CP: variants seen among roughly 807,000 people sequenced by gnomAD.
CP encodes the protein caeruloplasmin.
CP carries 64 observed loss-of-function variants against 122.4 expected under a neutral mutation model. The ratio of observed to expected loss-of-function variants is 0.52; its 90% CI spans 0.43 to 0.64. The LOEUF (loss-of-function observed/expected upper bound fraction) is 0.64, where lower values mean the gene tolerates loss of function less well. CP is among the 30% of genes least tolerant of loss of function. The pLI is 0.00. For synonymous variants in CP, 440 were observed against 436.4 expected (o/e 1.01, Z -0.10); for missense variants, 1,167 against 1,284.4 (o/e 0.91, Z 1.40).
downstream of CP, chr3:149,170,569 A>G (rs1724879074): frequency 6.6e-6 from 1 of 152,152 alleles, no homozygotes; most frequent in African/African-American, 2.4e-5. Context: ...TCTTAAAGCC[A>G]CTCGGTGAGT....
At chr3:149,205,256 A>G (rs998816996) in intron 6 of CP, among the ~76,000 whole-genome samples, 1 of 150,970 alleles carries the variant, frequency 6.6e-6, no homozygotes, top group Non-Finnish European at 1.5e-5. Flanking sequence ...ACCCCTGTAC[A>G]TTGCTGATGA....
chr3:149,216,279 T>G (rs2108310611), intron 1 of CP, among the ~76,000 whole-genome samples: 1 of 152,310 alleles, frequency 6.6e-6, no homozygotes, highest in Admixed American at 6.5e-5. Flanking sequence ...CTGAGCTGAG[T>G]ACTTATCTGA....
At chr3:149,172,325 C>G (rs2108199704), downstream of CP, 1 of 661,206 alleles carries the variant, frequency 1.5e-6, no homozygotes, top group Middle Eastern at 4.2e-4. Flanking sequence ...ATATCACACA[C>G]ACACACACAC....
chr3:149,189,886 ATAACT>A (rs550420565), intron 9 of CP, among the ~76,000 whole-genome samples: 71 of 152,328 alleles, frequency 4.7e-4, no homozygotes, highest in African/African-American at 1.6e-3. Context: ...TTTGATCCAA[ATAACT>A]TAGATCGAAG....
intron 3 of CP, 53 bp downstream of exon 3, chr3:149,210,114 G>A: frequency 6.5e-7 from 1 of 1,543,398 alleles, no homozygotes; most frequent in Non-Finnish European, 8.9e-7. Flanking sequence ...AAGACAAACT[G>A]CCCTGCCCCT....
downstream of CP, chr3:149,172,317 ATC>A (rs1491363344): frequency 1.4e-5 from 9 of 640,898 alleles, no homozygotes; most frequent in Admixed American, 1.4e-4. Context: ...TATTTTATAT[ATC>A]ACACACACAC....
rs1725567331 is a variant in CP, at chr3:149,178,542, G to A, written c.2751C>T (p.Ala917=). Residue 917 remains alanine, a synonymous_variant, in exon 16 of 19, where the codon GCC becomes GCT. Transcript: ENST00000264613. The part of the protein sequence containing the change: ...VFNPRRKLEF[A]LLFLVFDENE... ...TCTCATCAAAAACTAGAAACAGAAG[G>A]GCAAATTCCAGTTTCCTTCTGGGAT... 3 of 1,612,470 alleles carry A rather than the reference G, an allele frequency of 1.9e-6. No homozygotes were observed. The highest frequency in any genetic ancestry group is 2.5e-6 in the Non-Finnish European group (3 of 1,179,044).
At chr3:149,210,402 G>T in intron 2 of CP, 23 bp from the exon 3 acceptor site, 1 of 1,597,886 alleles carries the variant, frequency 6.3e-7, no homozygotes, top group South Asian at 1.1e-5. Flanking sequence ...ATGCAATGAA[G>T]GTGCAAAGTG....
Position 149,209,295 on chromosome 3 carries a change from C to T in CP, c.697G>A (p.Glu233Lys), listed in dbSNP as rs772873708. ...GAGCAGTAGGTTTTAATGTTGTCTTCTAGGTACCAGCTGAAATTTTCATCC... is the reference window on the plus strand; with the variant it reads ...GAGCAGTAGGTTTTAATGTTGTCTTTTAGGTACCAGCTGAAATTTTCATCC... The part of the protein sequence containing the change: ...VVDENFSWYL[E>K]DNIKTYCSEP... Residue 233 changes from glutamate to lysine, a missense_variant, in exon 4 of 19, where the codon GAA (glutamate) becomes AAA (lysine). Coordinates refer to ENST00000264613, the MANE Select transcript of CP (RefSeq NM_000096.4). The T allele has an allele frequency of 6.2e-7, 1 of 1,613,796 alleles. No homozygotes were observed. Among genetic ancestry groups the T allele is most frequent in the Non-Finnish European group, 8.5e-7 (1 of 1,179,798 alleles).
chr3:149,213,634 GTGTGTGTGTGTGT>G (rs1728263656), intron 1 of CP, among the ~76,000 whole-genome samples: 1 of 3,772 alleles, frequency 2.7e-4, no homozygotes, highest in Non-Finnish European at 8.6e-4. Flanking sequence ...CATCATGGGT[GTGTGTGTGTGTGT>G]GTGTGTGTGT....
At chr3:149,203,262 T>C (rs1378869908) in intron 6 of CP, among the ~76,000 whole-genome samples, 1 of 151,580 alleles carries the variant, frequency 6.6e-6, no homozygotes, top group Non-Finnish European at 1.5e-5. Flanking sequence ...GGAGCTTTTA[T>C]TTATTTATTT....
At chr3:149,184,388 T>C (rs1443651048) in intron 12 of CP, among the ~76,000 whole-genome samples, 6 of 152,184 alleles carry the variant, frequency 3.9e-5, no homozygotes, top group African/African-American at 1.4e-4. Context: ...TTTACCCCAA[T>C]TACAAAATAA....
intron 17 of CP, among the ~76,000 whole-genome samples, chr3:149,177,264 C>T (rs16861577): frequency 0.012 from 1,860 of 152,232 alleles, 34 homozygotes; most frequent in African/African-American, 0.043. Context: ...AACATTCCTA[C>T]CCTCTTTGTT....
rs1423747575 is a variant in CP at position 149,186,604 on chromosome 3, A to G, written c.1993T>C (p.Tyr665His). The G allele has an allele frequency of 1.9e-6, 3 of 1,614,044 alleles. No homozygotes were observed. The highest frequency in any genetic ancestry group is 1.1e-5 in the South Asian group (1 of 91,076). ...VHGIYFSGNT[Y>H]LWRGERRDTA... ...TCTCTCCGTTCTCCTCTCCACAGATATGTGTTTCCTGAAAAGTATATTCCA... is the reference window on the plus strand; with the variant it reads ...TCTCTCCGTTCTCCTCTCCACAGATGTGTGTTTCCTGAAAAGTATATTCCA... Residue 665 changes from tyrosine (Y) to histidine (H), a missense_variant, in exon 11 of 19, where the codon TAT becomes CAT. Around this residue, in one of 2 missense-constraint regions of CP, gnomAD observed 525 missense variants for 657.2 expected, o/e 0.80. Transcript: ENST00000264613.
chr3:149,216,636 T>C (rs1416584412), intron 1 of CP, among the ~76,000 whole-genome samples: 1 of 152,178 alleles, frequency 6.6e-6, no homozygotes, highest in Non-Finnish European at 1.5e-5. Context: ...AAAAATTAAC[T>C]GCTGCAAGAA....
intron 12 of CP, among the ~76,000 whole-genome samples, chr3:149,183,924 C>T (rs1256686153): frequency 6.7e-6 from 1 of 149,838 alleles, no homozygotes; most frequent in Non-Finnish European, 1.5e-5. Flanking sequence ...AACAGATCAT[C>T]TCTAAGATTA....
chr3:149,201,209 C>T (rs185743195), intron 7 of CP, among the ~76,000 whole-genome samples: 25 of 152,128 alleles, frequency 1.6e-4, no homozygotes, highest in African/African-American at 5.8e-4. Context: ...CTGTAAGCTC[C>T]GCCTCCCGAG....
At chr3:149,190,979 C>T (rs1559944319) in intron 9 of CP, among the ~76,000 whole-genome samples, 1 of 152,112 alleles carries the variant, frequency 6.6e-6, no homozygotes. Context: ...CCCCAGAGTG[C>T]AAGGATAGTT....
Position 149,210,305 on chromosome 3 carries a change from A to T in CP, c.469T>A (p.Tyr157Asn). The T allele has an allele frequency of 6.2e-7, 1 of 1,614,108 alleles. No individual in the cohort carries two copies. The highest frequency in any genetic ancestry group is 8.5e-7 in the Non-Finnish European group (1 of 1,179,968). The change falls in exon 3 of 19, where the codon TAC (tyrosine) becomes AAC (asparagine). Residue 157 changes from tyrosine to asparagine, a missense_variant. Transcript: ENST00000264613. Reference sequence around the variant, plus strand: ...TGTTCTTCAGTGGCAAGCAACATGTATGTATACTGCTCTCCTGGATATACT... The same window carrying T: ...TGTTCTTCAGTGGCAAGCAACATGTTTGTATACTGCTCTCCTGGATATACT... ...DKVYPGEQYT[Y>N]MLLATEEQSP...
Sources: allele counts gnomAD v4.1 joint callset (sites outside exome capture counted in the v4.1 genomes callset), GRCh38; gene constraint gnomAD v4.1.1; regional missense constraint gnomAD v4.1.1; transcripts MANE v1.5; gene names NCBI Gene and HGNC (gene_info 2026-07-23, HGNC 2026-07-21).